ATP6V1B1: variants seen among roughly 807,000 people sequenced by gnomAD.
ATP6V1B1 encodes ATPase H+ transporting V1 subunit B1, also known as V-type proton ATPase subunit B, kidney isoform.
A neutral mutation model predicts 62.1 loss-of-function variants in ATP6V1B1; 41 were observed. That is an observed-to-expected ratio of 0.66 (90% CI 0.51 to 0.86). The LOEUF is 0.86. Ranked by LOEUF, ATP6V1B1 falls within the 40% of genes least tolerant of loss-of-function variation. The probability of loss-of-function intolerance (pLI) is 0.00; values close to 1 mark genes in which losing one functional copy is unlikely to be tolerated. For missense variants in ATP6V1B1, 651 were observed against 697.5 expected (o/e 0.93, Z 0.75); for synonymous variants, 253 against 273.4 (o/e 0.93, Z 0.74).
rs539832372 is a variant in ATP6V1B1, at chr2:70,963,287, C to T, written c.1035C>T (p.Ile345=). ...VEGRGGSITQ[I]PILTMPNDDI... is the part of the protein sequence containing the mutation. The stretch of plus-strand genomic sequence containing the variant: ...GTCGGGGAGGATCCATCACACAGAT[C>T]CCCATCCTCACCATGCCCAACGACG... The change falls in exon 10 of 14, where the codon ATC becomes ATT. Residue 345 remains isoleucine (I), a synonymous_variant. Transcript: ENST00000234396. This position sits in a 1 kb window ranked among gnomAD's most constrained non-coding sequence, Gnocchi z 4.3. 3.2e-5 allele frequency: 52 copies of T among 1,613,450 alleles called. No homozygotes were observed. In the South Asian group the frequency reaches 5.2e-4, roughly 16 times the overall value.
intron 2 of ATP6V1B1, among the ~76,000 whole-genome samples, chr2:70,953,354 GT>G (rs1168114496): frequency 1.3e-5 from 2 of 151,978 alleles, no homozygotes; most frequent in Non-Finnish European, 1.5e-5. Context: ...GTTCTTTTTT[GT>G]TTTGGTTTTA....
Position 70,965,158 on chromosome 2 carries a change from C to T in ATP6V1B1, c.*37C>T, listed in dbSNP as rs527631210. 1.3e-6 allele frequency: 2 copies of T among 1,599,892 alleles called. No individual in the cohort carries two copies. The highest frequency in any genetic ancestry group is 2.2e-5 in the East Asian group (1 of 44,844). ...GTGGCACCCCAACACCGGCAGGGAA[C>T]CTACCCTCGGCTCCCGGGTCTCCCC... On this transcript the variant is annotated 3_prime_UTR_variant, in exon 14 of 14. Transcript: ENST00000234396.
At chr2:70,956,167 G>A (rs1680427164) in intron 2 of ATP6V1B1, 1 of 236,158 alleles carries the variant, frequency 4.2e-6, no homozygotes, top group Non-Finnish European at 9.7e-6. Context: ...ACCATTGGAT[G>A]ATATCAATTT....
Position 70,936,033 on chromosome 2 carries a change from C to G in ATP6V1B1, c.79C>G (p.Gln27Glu). Residue 27 changes from glutamine (Q) to glutamate (E), a missense_variant, in exon 1 of 14, where the codon CAG (glutamine) becomes GAG (glutamate). Gln to Glu is a conservative substitution (Grantham distance 29). Coordinates refer to ENST00000234396, the MANE Select transcript of ATP6V1B1 (RefSeq NM_001692.4). ...CNLGAAREHM[Q>E]AVTRNYITHP... is the part of the protein sequence containing the mutation. ...CCTAGGTGCAGCCCGAGAACACATGCAGGCGGTCACCCGAAACTACATCAC... is the reference window on the plus strand; with the variant it reads ...CCTAGGTGCAGCCCGAGAACACATGGAGGCGGTCACCCGAAACTACATCAC... The G allele has an allele frequency of 6.2e-7, 1 of 1,614,062 alleles. No individual in the cohort carries two copies. Among genetic ancestry groups the G allele is most frequent in the Non-Finnish European group, 8.5e-7 (1 of 1,179,962 alleles).
At chr2:70,936,426 GGAGT>G (rs1485136432) in intron 1 of ATP6V1B1, among the ~76,000 whole-genome samples, 2 of 152,130 alleles carry the variant, frequency 1.3e-5, no homozygotes, top group Non-Finnish European at 2.9e-5. Context: ...GCCTGTGTGA[GGAGT>G]GTGCACCCAA....
intron 4 of ATP6V1B1, among the ~76,000 whole-genome samples, chr2:70,958,639 G>A (rs1680503878): frequency 6.6e-6 from 1 of 152,178 alleles, no homozygotes; most frequent in African/African-American, 2.4e-5. Context: ...TGAGGAAGGT[G>A]GGTTCAATAA....
chr2:70,953,063 T>A (rs1157892459), intron 2 of ATP6V1B1, among the ~76,000 whole-genome samples: 19 of 152,182 alleles, frequency 1.2e-4, no homozygotes, highest in Non-Finnish European at 5.9e-5. Context: ...GCCTCCTGGG[T>A]TCAAGTGATT....
At chr2:70,958,448 G>A (rs782247760) in intron 4 of ATP6V1B1, 22 bp downstream of exon 4, 1 of 1,569,858 alleles carries the variant, frequency 6.4e-7, no homozygotes, top group Non-Finnish European at 8.8e-7. Context: ...GGAGGGGCAG[G>A]GGTGGGGGTG....
chr2:70,936,669 A>C (rs1330306051), intron 1 of ATP6V1B1, among the ~76,000 whole-genome samples: 1 of 152,098 alleles, frequency 6.6e-6, no homozygotes, highest in Non-Finnish European at 1.5e-5. Flanking sequence ...GTGTGACTGC[A>C]TGCTTATGCA....
chr2:70,935,987 G>C lies in ATP6V1B1; in HGVS notation c.33G>C (p.Gly11=), dbSNP rs199559744. 14 of 1,613,854 alleles carry C rather than the reference G, an allele frequency of 8.7e-6. No individual in the cohort carries two copies. Among genetic ancestry groups the C allele is most frequent in the Middle Eastern group, 1.6e-4 (1 of 6,076 alleles). The change falls in exon 1 of 14, where the codon GGG becomes GGC. Residue 11 remains glycine, a synonymous_variant. Coordinates refer to ENST00000234396, the MANE Select transcript of ATP6V1B1 (RefSeq NM_001692.4). ...TGGAGATAGACAGCAGGCCTGGGGG[G>C]CTCCCCGGCAGTAGCTGCAACCTAG... The part of the protein sequence containing the change: MAMEIDSRPG[G]LPGSSCNLGA...
At chr2:70,943,499 C>T (rs1553416745) in intron 1 of ATP6V1B1, 159 bp from the exon 2 acceptor site, 3 of 793,476 alleles carry the variant, frequency 3.8e-6, no homozygotes, top group Admixed American at 2.0e-5. Context: ...ATGACCCTTA[C>T]AGCAATGGTG....
intron 1 of ATP6V1B1, chr2:70,939,220 G>C (rs1315347376): frequency 6.6e-6 from 1 of 152,380 alleles, no homozygotes; most frequent in African/African-American, 2.4e-5. Context: ...GCGGTAGGGA[G>C]GTGGGGGCAG....
intron 3 of ATP6V1B1, 79 bp from the exon 4 acceptor site, chr2:70,958,254 C>G (rs1680492525): frequency 6.3e-7 from 1 of 1,593,832 alleles, no homozygotes; most frequent in Non-Finnish European, 8.6e-7. Context: ...TCCCTGAGAG[C>G]ACAGAAAGTG....
chr2:70,944,186 C>T (rs560775632), intron 2 of ATP6V1B1: 4 of 1,287,814 alleles, frequency 3.1e-6, no homozygotes, highest in East Asian at 5.5e-5. Flanking sequence ...ATCTTGATGG[C>T]CTCCAAAGGC....
At position 70,964,551 on chromosome 2, in the gene ATP6V1B1, A is replaced by G. The variant is rs78140305; in HGVS notation, c.1248+9A>G. ...ATGTCTCCAACCAGCTGGTAAGGAG[A>G]AGAGGGTCCGGGGGCTGGTAGGTCC... On this transcript the variant is annotated intron_variant, in intron 12 of 13. Coordinates refer to ENST00000234396, the MANE Select transcript of ATP6V1B1 (RefSeq NM_001692.4). 5.1e-3 allele frequency: 8,181 copies of G among 1,613,652 alleles called. 359 individuals are homozygous for G. In the African/African-American group the frequency reaches 0.098, roughly 19 times the overall value.
In ATP6V1B1 at chr2:70,958,404, T is replaced by C. The variant is rs781907249; in HGVS notation, c.345T>C (p.Thr115=). ...TCEFTGDILR[T]PVSEDMLGRV... is the part of the protein sequence containing the mutation. ...AATTTACAGGGGACATCCTACGAAC[T>C]CCGGTGTCAGAGGACATGCTGGGTG... is the stretch of plus-strand genomic sequence containing the variant. Residue 115 remains threonine, a synonymous_variant, in exon 4 of 14, where the codon ACT becomes ACC. Transcript: ENST00000234396. 1.3e-6 allele frequency: 2 copies of C among 1,576,064 alleles called. No individual in the cohort carries two copies. Among genetic ancestry groups the C allele is most frequent in the African/African-American group, 2.7e-5 (2 of 73,948 alleles).
chr2:70,949,425 T>C (rs1166888259), intron 2 of ATP6V1B1, among the ~76,000 whole-genome samples: 1 of 152,230 alleles, frequency 6.6e-6, no homozygotes, highest in Non-Finnish European at 1.5e-5. Context: ...GGTTATAGGA[T>C]AGATTCCCAG....
Position 70,964,112 on chromosome 2 carries a change from G to GTTTTT in ATP6V1B1, c.1144-325_1144-324insTTTTT, listed in dbSNP as rs1330555546. On this transcript the variant is annotated intron_variant, in intron 11 of 13. Coordinates refer to ENST00000234396, the MANE Select transcript of ATP6V1B1 (RefSeq NM_001692.4). ...TGACGTTTTTCTCTTTGCTTGGCAG[G>GTTTTT]TATTTTTTTTTTTTTTTTTTTTTTG... The GTTTTT allele has an allele frequency of 5.6e-4, 89 of 158,262 alleles. 1 individual carries two copies. The highest frequency in any genetic ancestry group is 1.3e-3 in the African/African-American group (24 of 18,468). The allele number at this position is 158,262 out of a possible 1,614,324, so 9.8% of individuals were successfully genotyped here.
At chr2:70,941,968 A>T in intron 1 of ATP6V1B1, 1 of 1,011,776 alleles carries the variant, frequency 9.9e-7, no homozygotes, top group African/African-American at 1.7e-5. Flanking sequence ...AAGGAAAGCC[A>T]GCAGTGGGGG....
Sources: allele counts gnomAD v4.1 joint callset (sites outside exome capture counted in the v4.1 genomes callset), GRCh38; gene constraint gnomAD v4.1.1; non-coding constraint Gnocchi (gnomAD v3.1); transcripts MANE v1.5; gene names NCBI Gene and HGNC (gene_info 2026-07-23, HGNC 2026-07-21).